Variants in BLK observed in about 807,000 individuals in gnomAD.
The protein encoded by BLK is BLK proto-oncogene, Src family tyrosine kinase.
A neutral mutation model predicts 61.8 loss-of-function variants in BLK; 64 were observed. The observed-to-expected ratio is 1.03, with a 90% CI of 0.85 to 1.27. The LOEUF is 1.27. Among genes scored for constraint, BLK ranks in the 50% most tolerant of loss-of-function variants. The pLI is 0.00. For synonymous variants in BLK, 351 were observed against 272.0 expected, an observed-to-expected ratio of 1.29 and a Z score of -2.86; for missense variants, 853 against 660.5, an observed-to-expected ratio of 1.29 and a Z score of -3.19.
chr8:11,531,778 T>A (rs1799895503), intron 1 of BLK, among the ~76,000 whole-genome samples: 1 of 152,228 alleles, frequency 6.6e-6, no homozygotes, highest in African/African-American at 2.4e-5. Flanking sequence ...TGTGGGTACT[T>A]TCAATTGCAG....
chr8:11,546,122 G>C lies in BLK; in HGVS notation c.175+19G>C, dbSNP rs1363699007. 1.9e-6 allele frequency: 3 copies of C among 1,613,992 alleles called. No individual in the cohort carries two copies. Among genetic ancestry groups the C allele is most frequent in the Admixed American group, 3.3e-5 (2 of 60,008 alleles). ...GATGAAGGTAAGAAGGGTGGTTTGG[G>C]AAGCTGAGGCTCCACAGCCCTCTCC... On this transcript the variant is annotated intron_variant, in intron 3 of 12. Transcript: ENST00000259089.
At chr8:11,514,388 G>A (rs769631534) in intron 1 of BLK, among the ~76,000 whole-genome samples, 2 of 152,238 alleles carry the variant, frequency 1.3e-5, no homozygotes, top group Non-Finnish European at 2.9e-5. Context: ...CGCTAAACAA[G>A]GGTGTTTGCG....
chr8:11,518,510 C>G lies in BLK; in HGVS notation c.-2+23919C>G, dbSNP rs145746588. On this transcript the variant is annotated intron_variant, in intron 1 of 12. Coordinates refer to ENST00000259089, the MANE Select transcript of BLK (RefSeq NM_001715.3). ...TGCACCTCTGAAGGTCACTGTCACG[C>G]TGTTGCTGGCATCTCAGCATTTCCA... Among the ~76,000 whole-genome samples the G allele has an allele frequency of 2.7e-3, 410 of 152,172 alleles. 3 individuals are homozygous for G. The highest frequency in any genetic ancestry group is 9.0e-3 in the African/African-American group (375 of 41,514).
intron 1 of BLK, among the ~76,000 whole-genome samples, chr8:11,526,511 G>C (rs914667955): frequency 2.0e-5 from 3 of 152,160 alleles, no homozygotes; most frequent in African/African-American, 4.8e-5. Flanking sequence ...CTGAGGTCAG[G>C]AGTTTGAGAC....
chr8:11,549,137 G>A lies in BLK; in HGVS notation c.368+15G>A, dbSNP rs374196020. ...GAAATGGAAAGGTAGGTGGGCACGGGAACCCCCCTCGAGCCAAGATGCAGT... is the reference window on the plus strand; with the variant it reads ...GAAATGGAAAGGTAGGTGGGCACGGAAACCCCCCTCGAGCCAAGATGCAGT... On this transcript the variant is annotated intron_variant, in intron 5 of 12. Transcript: ENST00000259089. 57 of 1,586,102 alleles carry A rather than the reference G, an allele frequency of 3.6e-5. No individual in the cohort carries two copies. Among genetic ancestry groups the A allele is most frequent in the East Asian group, 2.3e-4 (10 of 44,168 alleles).
At chr8:11,512,499 T>C (rs529446983) in intron 1 of BLK, among the ~76,000 whole-genome samples, 1 of 152,360 alleles carries the variant, frequency 6.6e-6, no homozygotes, top group East Asian at 1.9e-4. Flanking sequence ...CAGAGATTTT[T>C]ACATGGGACT....
At chr8:11,561,268 C>T in intron 10 of BLK, 34 bp from the exon 11 acceptor site, 2 of 1,605,088 alleles carry the variant, frequency 1.2e-6, no homozygotes, top group Non-Finnish European at 1.7e-6. Flanking sequence ...TGGAGGCCCC[C>T]AGGCTGTCCT....
At chr8:11,556,049 C>T in intron 8 of BLK, 1 of 238,974 alleles carries the variant, frequency 4.2e-6, no homozygotes, top group Non-Finnish European at 8.3e-6. Flanking sequence ...GGGGCTGGTC[C>T]ATGAGTGCTC....
intron 7 of BLK, 97 bp from the exon 8 acceptor site, chr8:11,555,235 C>A (rs1330658517): frequency 1.7e-5 from 26 of 1,526,838 alleles, no homozygotes; most frequent in Non-Finnish European, 2.2e-5. Flanking sequence ...GGTGGGGTGG[C>A]TGGGGAGTGG....
intron 1 of BLK, among the ~76,000 whole-genome samples, chr8:11,539,361 T>C (rs1321647185): frequency 2.0e-5 from 3 of 152,206 alleles, no homozygotes; most frequent in African/African-American, 2.4e-5. Context: ...TTTTTAGTAG[T>C]TGTATGAGAG....
At chr8:11,504,945 C>G (rs1798711113) in intron 1 of BLK, among the ~76,000 whole-genome samples, 1 of 152,184 alleles carries the variant, frequency 6.6e-6, no homozygotes. Context: ...CACAAACACA[C>G]ATGCACAGAG....
chr8:11,550,353 G>T (rs1800846257), intron 6 of BLK, 91 bp downstream of exon 6: 2 of 1,244,914 alleles, frequency 1.6e-6, no homozygotes, highest in African/African-American at 1.5e-5. Flanking sequence ...AGGGGAAGGG[G>T]TGACTGCCAG....
chr8:11,517,067 G>A (rs1799259197), intron 1 of BLK, among the ~76,000 whole-genome samples: 1 of 152,244 alleles, frequency 6.6e-6, no homozygotes, highest in African/African-American at 2.4e-5. Flanking sequence ...GAAGCGATGT[G>A]ATGGGACCTA....
intron 7 of BLK, 81 bp from the exon 8 acceptor site, chr8:11,555,251 C>G: frequency 1.3e-6 from 2 of 1,593,186 alleles, no homozygotes; most frequent in Non-Finnish European, 1.7e-6. Flanking sequence ...AGTGGAGGGC[C>G]AGCTAGGAAT....
chr8:11,524,426 T>C (rs974821636), intron 1 of BLK, among the ~76,000 whole-genome samples: 3 of 152,286 alleles, frequency 2.0e-5, no homozygotes, highest in South Asian at 4.1e-4. Context: ...AAAAATGAGA[T>C]TGAAAAGTAA....
intron 3 of BLK, among the ~76,000 whole-genome samples, chr8:11,547,230 C>T (rs557467379): frequency 1.3e-5 from 2 of 152,376 alleles, no homozygotes; most frequent in Admixed American, 1.3e-4. Context: ...CTTAAAACTT[C>T]AGGGAACCAC....
At chr8:11,551,520 G>A (rs1563116199) in intron 6 of BLK, among the ~76,000 whole-genome samples, 1 of 152,252 alleles carries the variant, frequency 6.6e-6, no homozygotes, top group Non-Finnish European at 1.5e-5. Context: ...CAGGACCGAG[G>A]GTTAGGACTT....
At chr8:11,547,236 A>C (rs1451737710) in intron 3 of BLK, among the ~76,000 whole-genome samples, 1 of 152,258 alleles carries the variant, frequency 6.6e-6, no homozygotes, top group Non-Finnish European at 1.5e-5. Context: ...ACTTCAGGGA[A>C]CCACTGTCAC....
Position 11,546,002 on chromosome 8 carries a change from A to T in BLK, c.124-50A>T, listed in dbSNP as rs1479834377. ...TCAGCAGTCTCAACCCCCAGGCCCC[A>T]CCCACGCAGCAGGGACTGAAATAAC... On this transcript the variant is annotated intron_variant, in intron 2 of 12. Transcript: ENST00000259089. 3.8e-6 allele frequency: 6 copies of T among 1,595,456 alleles called. No homozygotes were observed. The African/African-American group carries it at 8.1e-5, about 21-fold the overall frequency.
Sources: gnomAD v4.1 joint callset for allele counts (sites outside exome capture counted in the v4.1 genomes callset) on GRCh38, gnomAD v4.1.1 for gene constraint, MANE v1.5 for transcripts, NCBI Gene and HGNC (gene_info 2026-07-23, HGNC 2026-07-21) for gene names.